SRD5A3: variants seen among roughly 807,000 people sequenced by gnomAD.
SRD5A3 encodes polyprenal reductase.
Under a neutral mutation model 34.3 loss-of-function variants are expected in SRD5A3, and 24 were observed. The ratio of observed to expected loss-of-function variants is 0.70; its 90% confidence interval spans 0.51 to 0.99. The LOEUF (loss-of-function observed/expected upper bound fraction) is 0.99, where lower values mean the gene tolerates loss of function less well. SRD5A3 is among the 50% of genes least tolerant of loss of function. The pLI is 0.00. For missense variants in SRD5A3, 350 were observed against 388.2 expected (o/e 0.90, Z 0.83); for synonymous variants, 161 against 167.3 (o/e 0.96, Z 0.29).
intron 1 of SRD5A3, among the ~76,000 whole-genome samples, chr4:55,357,448 T>TCAGACCC (rs1381280647): frequency 2.0e-4 from 31 of 152,330 alleles, no homozygotes; most frequent in African/African-American, 7.5e-4. Flanking sequence ...TCCACGAGGC[T>TCAGACCC]CAGACCATAA....
intron 3 of SRD5A3, 58 bp downstream of exon 3, chr4:55,364,329 G>A (rs1471006213): frequency 1.3e-5 from 20 of 1,575,150 alleles, no homozygotes; most frequent in Middle Eastern, 2.0e-4. Context: ...ATGCGCTCTC[G>A]GGGCTTGTGC....
At chr4:55,363,778 C>T (rs1020087366) in intron 2 of SRD5A3, among the ~76,000 whole-genome samples, 3 of 152,132 alleles carry the variant, frequency 2.0e-5, no homozygotes, top group African/African-American at 7.2e-5. Context: ...GACCAGAAAC[C>T]CACAGACCTC....
chr4:55,348,818 A>T (rs1467655274), intron 1 of SRD5A3, among the ~76,000 whole-genome samples: 1 of 152,188 alleles, frequency 6.6e-6, no homozygotes, highest in Non-Finnish European at 1.5e-5. Context: ...TGCCTGTTGG[A>T]ATTTAAATCC....
chr4:55,364,044 A>T (rs752841997), intron 2 of SRD5A3, 30 bp from the exon 3 acceptor site: 1 of 1,611,978 alleles, frequency 6.2e-7, no homozygotes, highest in South Asian at 1.1e-5. Context: ...CAGAAGAGAA[A>T]TGCTGACCCT....
chr4:55,359,144 C>T (rs535927289), intron 1 of SRD5A3: 7 of 620,384 alleles, frequency 1.1e-5, no homozygotes, highest in Non-Finnish European at 1.9e-5. Flanking sequence ...GCCTCTTTTT[C>T]CTGAAAGTTA....
intron 1 of SRD5A3, among the ~76,000 whole-genome samples, chr4:55,357,375 G>A (rs1202271768): frequency 6.6e-6 from 1 of 152,210 alleles, no homozygotes; most frequent in African/African-American, 2.4e-5. Context: ...TCCTTCAGAA[G>A]CTATCCCTCC....
In SRD5A3 at chr4:55,370,152, A is replaced by C; in HGVS notation, c.*61A>C. The stretch of plus-strand genomic sequence containing the variant: ...TGGTTTCAATGCCTAAGGACAGTGA[A>C]GTCTGGAGCCCAAAGTACAGTTTCA... On this transcript the variant is annotated 3_prime_UTR_variant, in exon 5 of 5. Transcript: ENST00000264228. The C allele has an allele frequency of 6.2e-7, 1 of 1,602,984 alleles. No homozygotes were observed. The highest frequency in any genetic ancestry group is 1.1e-5 in the South Asian group (1 of 90,722).
intron 2 of SRD5A3, among the ~76,000 whole-genome samples, chr4:55,361,892 C>T (rs547294160): frequency 5.3e-5 from 8 of 152,226 alleles, no homozygotes; most frequent in South Asian, 2.1e-4. Context: ...TTCATCTCTT[C>T]GTTTGTTTAC....
intron 1 of SRD5A3, among the ~76,000 whole-genome samples, chr4:55,353,693 T>G (rs899447061): frequency 6.6e-6 from 1 of 151,788 alleles, no homozygotes; most frequent in African/African-American, 2.4e-5. Context: ...CGAACCCACC[T>G]GGAGGAACAA....
intron 2 of SRD5A3, among the ~76,000 whole-genome samples, chr4:55,360,154 G>T (rs147555965): frequency 0.014 from 2,184 of 151,346 alleles, 36 homozygotes; most frequent in Non-Finnish European, 0.02. Flanking sequence ...GGCGGAGCTT[G>T]CAGTGAGCTG....
chr4:55,361,821 C>A (rs544287143), intron 2 of SRD5A3, among the ~76,000 whole-genome samples: 1 of 151,834 alleles, frequency 6.6e-6, no homozygotes, highest in Non-Finnish European at 1.5e-5. Flanking sequence ...AGAGCAAACC[C>A]GTGGACATCC....
At position 55,371,561 on chromosome 4, in the gene SRD5A3, A is replaced by G. The variant is rs375938768; in HGVS notation, c.*1470A>G. 13 of 152,322 alleles carry G rather than the reference A, an allele frequency of 8.5e-5. No homozygotes were observed. The highest frequency in any genetic ancestry group is 3.1e-4 in the African/African-American group (13 of 41,576). The allele number at this position is 152,322 out of a possible 1,614,324, so 9.4% of individuals were successfully genotyped here. On this transcript the variant is annotated 3_prime_UTR_variant, in exon 5 of 5. Coordinates refer to ENST00000264228, the MANE Select transcript of SRD5A3 (RefSeq NM_024592.5). ...ACTTTGCTATGGGGGAAAGAACCTT[A>G]TGATTAATAAGACACATATCAAATG...
chr4:55,348,667 C>G (rs1313424520), intron 1 of SRD5A3, among the ~76,000 whole-genome samples: 1 of 152,174 alleles, frequency 6.6e-6, no homozygotes, highest in Non-Finnish European at 1.5e-5. Flanking sequence ...GGAGTACGTG[C>G]CTTTCCTCAT....
intron 2 of SRD5A3, among the ~76,000 whole-genome samples, chr4:55,360,381 T>C (rs1335866437): frequency 7.3e-6 from 1 of 137,622 alleles, no homozygotes; most frequent in South Asian, 2.4e-4. Flanking sequence ...TGGCAGGCGC[T>C]TGTAATCCCA....
intron 2 of SRD5A3, among the ~76,000 whole-genome samples, chr4:55,360,688 G>GT (rs367942216): frequency 0.45 from 60,269 of 133,442 alleles, 14,664 homozygotes; most frequent in East Asian, 0.84. Context: ...AATATGGAAC[G>GT]TTTTTTTTTT....
chr4:55,362,513 G>A (rs1440550049), intron 2 of SRD5A3, among the ~76,000 whole-genome samples: 1 of 152,032 alleles, frequency 6.6e-6, no homozygotes, highest in Non-Finnish European at 1.5e-5. Context: ...GGAGTGCCGT[G>A]GCATGATCAT....
chr4:55,351,786 G>C, intron 1 of SRD5A3: 2 of 467,818 alleles, frequency 4.3e-6, no homozygotes, highest in Admixed American at 5.1e-5. Flanking sequence ...GTTGAAGAAA[G>C]GCAGAGGAAC....
At chr4:55,358,535 CAAA>C (rs576702969) in intron 1 of SRD5A3, among the ~76,000 whole-genome samples, 5 of 112,760 alleles carry the variant, frequency 4.4e-5, no homozygotes, top group South Asian at 6.9e-4. Context: ...GACCCTGTCT[CAAA>C]AAAAAAAAAA....
intron 3 of SRD5A3, chr4:55,365,624 T>A (rs1719862495): frequency 6.6e-6 from 1 of 152,270 alleles, no homozygotes; most frequent in Non-Finnish European, 1.5e-5. Context: ...CTCCCGGAGT[T>A]TCCTCTACTG....
Sources: gnomAD v4.1 joint callset for allele counts (sites outside exome capture counted in the v4.1 genomes callset) on GRCh38, gnomAD v4.1.1 for gene constraint, MANE v1.5 for transcripts, NCBI Gene and HGNC (gene_info 2026-07-23, HGNC 2026-07-21) for gene names.